Variants in INSL6 observed in about 807,000 individuals in gnomAD.
The protein encoded by INSL6 is insulin like 6, also known as insulin-like peptide INSL6.
Under a neutral mutation model 9.4 loss-of-function variants are expected in INSL6, and 16 were observed. The observed-to-expected ratio is 1.70, with a 90% confidence interval of 1.15 to 2.59. The LOEUF (loss-of-function observed/expected upper bound fraction) is 2.59. Among genes scored for constraint, INSL6 ranks in the 30% most tolerant of loss-of-function variants. INSL6 has a pLI of 0.00. For synonymous variants in INSL6, 154 were observed against 96.9 expected (o/e 1.59, Z -3.46); for missense variants, 391 against 257.3 (o/e 1.52, Z -3.56).
chr9:5,111,378 TCTGGCGGACA>T, the INSL6 span: 1 of 400,396 alleles, frequency 2.5e-6, no homozygotes. Context: ...CGCCAGCAGC[TCTGGCGGACA>T]GAGGCGGACA....
At chr9:5,039,364 A>G in the INSL6 span, among the ~76,000 whole-genome samples, 1 of 152,126 alleles carries the variant, frequency 6.6e-6, no homozygotes, top group Non-Finnish European at 1.5e-5. Context: ...TATAACAACT[A>G]TTTACATAAC....
the INSL6 span, chr9:5,041,623 G>C: frequency 4.0e-6 from 2 of 498,154 alleles, no homozygotes; most frequent in East Asian, 1.1e-4. Flanking sequence ...TACATGCGGC[G>C]CCTGGACTTT....
chr9:5,075,471 A>G, the INSL6 span, among the ~76,000 whole-genome samples: 1 of 152,188 alleles, frequency 6.6e-6, no homozygotes, highest in African/African-American at 2.4e-5. Context: ...TTACCATTCC[A>G]AAAATCCCAG....
the INSL6 span, among the ~76,000 whole-genome samples, chr9:5,007,125 C>G: frequency 6.6e-6 from 1 of 151,764 alleles, no homozygotes; most frequent in South Asian, 2.1e-4. Context: ...TCTCTGATTT[C>G]TGCTCTTAAG....
chr9:5,012,356 T>C, the INSL6 span, among the ~76,000 whole-genome samples: 5 of 152,196 alleles, frequency 3.3e-5, no homozygotes, highest in Non-Finnish European at 7.3e-5. Context: ...TGCCTTCAAA[T>C]GGTGTTTTTA....
chr9:5,060,981 G>C, the INSL6 span, among the ~76,000 whole-genome samples: 1 of 152,204 alleles, frequency 6.6e-6, no homozygotes, highest in Non-Finnish European at 1.5e-5. Flanking sequence ...GTACATCTCT[G>C]TCAGAGCGCT....
intron 2 of INSL6, among the ~76,000 whole-genome samples, chr9:5,137,425 T>C (rs1407525124): frequency 2.6e-5 from 4 of 152,250 alleles, no homozygotes; most frequent in East Asian, 3.9e-4. Context: ...AACAGATGTA[T>C]AGACTAATGG....
intron 2 of INSL6, among the ~76,000 whole-genome samples, chr9:5,141,160 C>T (rs1362061315): frequency 4.6e-5 from 7 of 151,720 alleles, no homozygotes; most frequent in Non-Finnish European, 4.4e-5. Context: ...GAATATGTTG[C>T]AATGAACATA....
intron 1 of INSL6, among the ~76,000 whole-genome samples, chr9:5,178,928 T>C (rs528176459): frequency 9.3e-5 from 14 of 151,258 alleles, no homozygotes; most frequent in African/African-American, 2.9e-4. Flanking sequence ...ATCTAGGCAA[T>C]AGCATTCAAG....
At chr9:5,045,173 G>T in the INSL6 span, among the ~76,000 whole-genome samples, 3 of 152,136 alleles carry the variant, frequency 2.0e-5, no homozygotes, top group Non-Finnish European at 2.9e-5. Context: ...AGTAGGAATA[G>T]AAATTAAAGG....
the INSL6 span, chr9:5,041,076 T>C: frequency 7.6e-5 from 53 of 694,962 alleles, no homozygotes; most frequent in Admixed American, 3.6e-4. Flanking sequence ...TCAGGTCTAC[T>C]ACCTACTACA....
the INSL6 span, among the ~76,000 whole-genome samples, chr9:5,021,514 A>G: frequency 0.65 from 99,300 of 152,214 alleles, 34,168 homozygotes; most frequent in African/African-American, 0.89. Context: ...GTATGTAGTA[A>G]TACACGATAT....
the INSL6 span, chr9:5,096,838 T>C: frequency 1.3e-5 from 2 of 152,152 alleles, no homozygotes; most frequent in African/African-American, 4.8e-5. Flanking sequence ...AATGTTATTG[T>C]TACCGCCCAC....
the INSL6 span, among the ~76,000 whole-genome samples, chr9:5,032,981 G>C: frequency 1.3e-4 from 20 of 152,272 alleles, no homozygotes; most frequent in East Asian, 3.9e-3. Context: ...TCATGGCAAA[G>C]AAGTTAAAAA....
At chr9:5,150,846 G>GACACACACACACACAC (rs59479266) in intron 2 of INSL6, among the ~76,000 whole-genome samples, 12 of 146,290 alleles carry the variant, frequency 8.2e-5, no homozygotes, top group African/African-American at 3.0e-4. Context: ...GGATAAAGGA[G>GACACACACACACACAC]ACACACACAC....
At chr9:5,147,242 T>A (rs1341576018) in intron 2 of INSL6, among the ~76,000 whole-genome samples, 1 of 152,122 alleles carries the variant, frequency 6.6e-6, no homozygotes, top group Non-Finnish European at 1.5e-5. Flanking sequence ...GCTGTGGAAC[T>A]AAACCAGGGG....
At chr9:5,105,972 C>T in the INSL6 span, among the ~76,000 whole-genome samples, 1 of 152,100 alleles carries the variant, frequency 6.6e-6, no homozygotes, top group Non-Finnish European at 1.5e-5. Context: ...AGAAGAAAGC[C>T]TAGGCAATAC....
At chr9:5,038,949 T>A in the INSL6 span, among the ~76,000 whole-genome samples, 91 of 152,128 alleles carry the variant, frequency 6.0e-4, no homozygotes, top group Middle Eastern at 3.4e-3. Context: ...TTTGATAAAA[T>A]CCAGCATCCC....
chr9:5,139,333 A>G (rs1824445548), intron 2 of INSL6, among the ~76,000 whole-genome samples: 1 of 152,166 alleles, frequency 6.6e-6, no homozygotes, highest in African/African-American at 2.4e-5. Flanking sequence ...TATCCATCAA[A>G]CAAATTAATT....
Sources: gnomAD v4.1 joint callset for allele counts (sites outside exome capture counted in the v4.1 genomes callset) on GRCh38, gnomAD v4.1.1 for gene constraint, MANE v1.5 for transcripts, NCBI Gene and HGNC (gene_info 2026-07-23, HGNC 2026-07-21) for gene names.